Variants in STEAP4 observed in about 807,000 individuals in gnomAD.
STEAP4 encodes metalloreductase STEAP4.
STEAP4 carries 36 observed loss-of-function variants against 43.6 expected under a neutral mutation model. That is an observed-to-expected ratio of 0.83 (90% CI 0.63 to 1.09). The LOEUF (loss-of-function observed/expected upper bound fraction) is 1.09, where lower values mean the gene tolerates loss of function less well. STEAP4 is among the 50% of genes least tolerant of loss of function. STEAP4 has a pLI of 0.00. For missense variants in STEAP4, 495 were observed against 546.5 expected (o/e 0.91, Z 0.94); for synonymous variants, 191 against 196.7 (o/e 0.97, Z 0.24).
chr7:88,280,889 G>A (rs540184991), intron 4 of STEAP4, 26 bp downstream of exon 4: 2 of 1,516,998 alleles, frequency 1.3e-6, no homozygotes, highest in African/African-American at 1.4e-5. Flanking sequence ...AAAATGAAAA[G>A]TTAGGAATGA....
At chr7:88,289,820 C>T (rs1003448721) in intron 1 of STEAP4, among the ~76,000 whole-genome samples, 2 of 152,186 alleles carry the variant, frequency 1.3e-5, no homozygotes, top group Non-Finnish European at 2.9e-5. Context: ...GCAGCTGTGC[C>T]TTTGAAAATT....
intron 1 of STEAP4, among the ~76,000 whole-genome samples, chr7:88,303,184 TAAA>T (rs112528523): frequency 4.9e-5 from 5 of 101,694 alleles, no homozygotes; most frequent in Admixed American, 1.1e-4. Context: ...TAATCTGCAT[TAAA>T]AAAAAAAAAA....
rs184330214 is a variant in STEAP4 at position 88,282,256 on chromosome 7, C to A, written c.984+385G>T. On this transcript the variant is annotated intron_variant, in intron 3 of 4. Coordinates refer to ENST00000380079, the MANE Select transcript of STEAP4 (RefSeq NM_024636.4). ...CTCTGCCTCCTGGGTTCAAGCGATT[C>A]TCCTGCCTCAGCCTCCTGGGTAGCT... 46 of 173,590 alleles carry A rather than the reference C, an allele frequency of 2.6e-4. No individual in the cohort carries two copies. In the East Asian group the frequency reaches 7.0e-3, roughly 27 times the overall value. 10.8% of individuals were successfully genotyped at this position (173,590 alleles called of 1,614,324 possible).
At chr7:88,282,253 A>G (rs1012241249) in intron 3 of STEAP4, 3 of 171,880 alleles carry the variant, frequency 1.7e-5, no homozygotes, top group Non-Finnish European at 2.4e-5. Flanking sequence ...GGTTCAAGCG[A>G]TTCTCCTGCC....
intron 4 of STEAP4, among the ~76,000 whole-genome samples, chr7:88,280,244 T>G (rs1852594742): frequency 6.6e-6 from 1 of 152,240 alleles, no homozygotes; most frequent in African/African-American, 2.4e-5. Context: ...TAAAGACTAA[T>G]GCTCTTTTCT....
At chr7:88,279,681 G>A in intron 4 of STEAP4, 53 bp from the exon 5 acceptor site, 1 of 1,409,970 alleles carries the variant, frequency 7.1e-7, no homozygotes, top group South Asian at 1.3e-5. Context: ...ATCTTAAAGT[G>A]AAACACTCTA....
At chr7:88,300,952 G>C (rs902173959) in intron 1 of STEAP4, among the ~76,000 whole-genome samples, 43 of 152,006 alleles carry the variant, frequency 2.8e-4, no homozygotes, top group African/African-American at 9.9e-4. Flanking sequence ...CTCACACATG[G>C]CATCAACACA....
At chr7:88,289,057 T>TGC (rs933354537) in intron 1 of STEAP4, among the ~76,000 whole-genome samples, 3 of 148,426 alleles carry the variant, frequency 2.0e-5, no homozygotes, top group African/African-American at 4.9e-5. Flanking sequence ...GGTGCATGCA[T>TGC]GCGCGTGTGT....
At chr7:88,305,845 A>T (rs1733413554) in intron 1 of STEAP4, among the ~76,000 whole-genome samples, 1 of 152,188 alleles carries the variant, frequency 6.6e-6, no homozygotes, top group Non-Finnish European at 1.5e-5. Context: ...CATCTGTGGA[A>T]ACTGAGGCTG....
At chr7:88,301,532 C>A (rs1399936415) in intron 1 of STEAP4, among the ~76,000 whole-genome samples, 1 of 152,162 alleles carries the variant, frequency 6.6e-6, no homozygotes, top group African/African-American at 2.4e-5. Flanking sequence ...CTACCTCAGC[C>A]TCCTAAAGTG....
intron 1 of STEAP4, among the ~76,000 whole-genome samples, chr7:88,297,558 A>G (rs192925116): frequency 2.0e-5 from 3 of 152,148 alleles, no homozygotes; most frequent in African/African-American, 7.2e-5. Context: ...GTGTAAGTAT[A>G]TCCCCTGCAA....
At chr7:88,303,007 A>G (rs1853063860) in intron 1 of STEAP4, among the ~76,000 whole-genome samples, 1 of 149,690 alleles carries the variant, frequency 6.7e-6, no homozygotes, top group Non-Finnish European at 1.5e-5. Flanking sequence ...ACTAGCTTGT[A>G]TTCTACTAAT....
chr7:88,302,590 C>T (rs1327706336), intron 1 of STEAP4, among the ~76,000 whole-genome samples: 6 of 152,166 alleles, frequency 3.9e-5, no homozygotes, highest in African/African-American at 4.8e-5. Flanking sequence ...CCTATTTCTA[C>T]GCTCCACAGT....
rs1852663501 is a variant in STEAP4, at chr7:88,283,344, C to G, written c.457-176G>C. 4.4e-6 allele frequency: 3 copies of G among 676,604 alleles called. No individual in the cohort carries two copies. In the South Asian group the frequency reaches 8.3e-5, roughly 19 times the overall value. The allele number at this position is 676,604 out of a possible 1,614,324, so 41.9% of individuals were successfully genotyped here. A position where few individuals can be genotyped will look rare whatever the true frequency, so the allele number is the denominator to read the frequency against. ...GATGTTTTAAACTTGTATGTGGTGT[C>G]TTAGATAGGTAAGTACCAGGGTTTT... is the stretch of plus-strand genomic sequence containing the variant. On this transcript the variant is annotated intron_variant, in intron 2 of 4. Coordinates refer to ENST00000380079, the MANE Select transcript of STEAP4 (RefSeq NM_024636.4).
chr7:88,296,678 C>A (rs1293726978), intron 1 of STEAP4, among the ~76,000 whole-genome samples: 1 of 151,916 alleles, frequency 6.6e-6, no homozygotes, highest in Non-Finnish European at 1.5e-5. Context: ...TAATATATCC[C>A]AGGGACAATT....
At position 88,282,722 on chromosome 7, in the gene STEAP4, G is replaced by A; in HGVS notation, c.903C>T (p.Ala301=). The A allele has an allele frequency of 6.2e-7, 1 of 1,614,002 alleles. No homozygotes were observed. Among genetic ancestry groups the A allele is most frequent in the African/African-American group, 1.3e-5 (1 of 74,982 alleles). Residue 301 remains alanine, a synonymous_variant, in exon 3 of 5, where the codon GCC becomes GCT. Coordinates refer to ENST00000380079, the MANE Select transcript of STEAP4 (RefSeq NM_024636.4). The part of the protein sequence containing the change: ...KQLGLVALGF[A]FLHVLYTLVI... ...CAAGTGTGTAGAGGACATGAAGGAA[G>A]GCAAATCCCAGAGCTACCAAGCCAA...
chr7:88,296,144 T>C (rs1299182785), intron 1 of STEAP4, among the ~76,000 whole-genome samples: 1 of 152,186 alleles, frequency 6.6e-6, no homozygotes, highest in Non-Finnish European at 1.5e-5. Flanking sequence ...CAGATCTACT[T>C]ATACATCTAC....
chr7:88,304,620 GGACTACTGTGTTGCTGCTGT>G (rs1853097348), intron 1 of STEAP4, among the ~76,000 whole-genome samples: 1 of 151,808 alleles, frequency 6.6e-6, no homozygotes, highest in Non-Finnish European at 1.5e-5. Context: ...AGGTTTTGAA[GGACTACTGTGTTGCTGCTGT>G]TGTGTGTGTG....
At position 88,281,048 on chromosome 7, in the gene STEAP4, GT is replaced by G; in HGVS notation, c.1015del (p.Thr339ProfsTer51). ...AILKKENPFSTSSAWLSDSYV... is the reference protein window; with the variant it reads ...AILKKENPFSXSSAWLSDSYV... ...TGAATCACTGAGCCAGGCTGAGGAGGTGCTAAATGGATTCTCCTTCTTGAGT... is the reference window on the plus strand; with the variant it reads ...TGAATCACTGAGCCAGGCTGAGGAGGGCTAAATGGATTCTCCTTCTTGAGT... On this transcript the variant is annotated frameshift_variant, in exon 4 of 5. Coordinates refer to ENST00000380079, the MANE Select transcript of STEAP4 (RefSeq NM_024636.4). LOFTEE classifies it high-confidence loss of function. The G allele has an allele frequency of 6.2e-7, 1 of 1,604,030 alleles. No individual in the cohort carries two copies. Among genetic ancestry groups the G allele is most frequent in the Admixed American group, 1.7e-5 (1 of 57,270 alleles).
Sources: allele counts gnomAD v4.1 joint callset (sites outside exome capture counted in the v4.1 genomes callset), GRCh38; gene constraint gnomAD v4.1.1; transcripts MANE v1.5; gene names NCBI Gene and HGNC (gene_info 2026-07-23, HGNC 2026-07-21).